The following PHACTR3 variants were observed in gnomAD, a reference collection of about 807,000 sequenced individuals.
PHACTR3 encodes the protein phosphatase and actin regulator 3, also known as protein phosphatase 1, regulatory subunit 123.
PHACTR3 carries 16 observed loss-of-function variants against 66.8 expected under a neutral mutation model. That is an observed-to-expected ratio of 0.24 (90% CI 0.16 to 0.36). PHACTR3 has a LOEUF of 0.36. Among genes scored for constraint, PHACTR3 ranks in the 10% least tolerant of loss-of-function variants. The probability of loss-of-function intolerance (pLI) is 1.00; values close to 1 mark genes in which losing one functional copy is unlikely to be tolerated. For missense variants in PHACTR3, 647 were observed against 719.9 expected, an observed-to-expected ratio of 0.90 and a Z score of 1.16; for synonymous variants, 323 against 292.1, an observed-to-expected ratio of 1.11 and a Z score of -1.08.
rs776036475 is a variant in PHACTR3, at chr20:59,755,331, C to G, written c.508C>G (p.Pro170Ala). 6.2e-7 allele frequency: 1 copy of G among 1,613,638 alleles called. No homozygotes were observed. Among genetic ancestry groups the G allele is most frequent in the Non-Finnish European group, 8.5e-7 (1 of 1,180,000 alleles). ...GACGGACCAGGTCTCCCTGGACAAG[C>G]CACTGTCCTCAGCTGCCCACTTGGA... ...TGTDQVSLDK[P>A]LSSAAHLDDA... The change falls in exon 4 of 13, where the codon CCA (proline) becomes GCA (alanine). Residue 170 changes from proline to alanine, a missense_variant. Pro to Ala is a conservative substitution (Grantham distance 27). Around this residue, in one of 2 missense-constraint regions of PHACTR3, gnomAD observed 577 missense variants for 571.1 expected, o/e 1.01. Transcript: ENST00000371015.
chr20:59,765,442 G>C (rs1208969396), intron 4 of PHACTR3, among the ~76,000 whole-genome samples: 1 of 152,246 alleles, frequency 6.6e-6, no homozygotes, highest in East Asian at 1.9e-4. Flanking sequence ...TCTGCAGCTG[G>C]AGTATGTGTT....
At chr20:59,641,736 GTA>G (rs2035109041) in intron 1 of PHACTR3, among the ~76,000 whole-genome samples, 2 of 152,178 alleles carry the variant, frequency 1.3e-5, no homozygotes, top group Non-Finnish European at 2.9e-5. Context: ...GATTGTGTGT[GTA>G]TGTACATTTG....
intron 8 of PHACTR3, among the ~76,000 whole-genome samples, chr20:59,812,460 C>T (rs571558711): frequency 1.4e-4 from 21 of 152,294 alleles, no homozygotes; most frequent in East Asian, 1.4e-3. Context: ...CAGGACACAG[C>T]GTGCAGCGAG....
chr20:59,739,244 C>T (rs911104256), intron 1 of PHACTR3, among the ~76,000 whole-genome samples: 1 of 152,072 alleles, frequency 6.6e-6, no homozygotes, highest in Non-Finnish European at 1.5e-5. Flanking sequence ...TTTGCAGAGC[C>T]CAGAATGTCA....
At chr20:59,785,035 GA>G (rs2040857913) in intron 7 of PHACTR3, among the ~76,000 whole-genome samples, 1 of 152,098 alleles carries the variant, frequency 6.6e-6, no homozygotes, top group Non-Finnish European at 1.5e-5. Flanking sequence ...GGGCTCCAGA[GA>G]AAAGACAGGG....
intron 1 of PHACTR3, among the ~76,000 whole-genome samples, chr20:59,687,912 C>T (rs1249349175): frequency 6.6e-6 from 1 of 152,124 alleles, no homozygotes; most frequent in Non-Finnish European, 1.5e-5. Context: ...TGTGAATTAT[C>T]TTTCAGTTGT....
intron 3 of PHACTR3, among the ~76,000 whole-genome samples, chr20:59,750,910 G>A (rs184590632): frequency 9.6e-4 from 146 of 152,326 alleles, no homozygotes; most frequent in African/African-American, 3.4e-3. Context: ...TCCCTGCACC[G>A]CAGTTTCCGT....
At chr20:59,815,282 A>G (rs1360595314) in intron 8 of PHACTR3, among the ~76,000 whole-genome samples, 1 of 152,202 alleles carries the variant, frequency 6.6e-6, no homozygotes, top group Non-Finnish European at 1.5e-5. Flanking sequence ...ATCACCAGAA[A>G]GAAGGTAAAT....
At chr20:59,646,711 G>A (rs903175280) in intron 1 of PHACTR3, among the ~76,000 whole-genome samples, 7 of 152,164 alleles carry the variant, frequency 4.6e-5, no homozygotes, top group African/African-American at 1.4e-4. Flanking sequence ...AACATGACTC[G>A]GAGCTGGAAT....
intron 5 of PHACTR3, among the ~76,000 whole-genome samples, chr20:59,772,321 A>G (rs1475562813): frequency 2.0e-5 from 3 of 152,210 alleles, no homozygotes; most frequent in African/African-American, 7.2e-5. Flanking sequence ...TTTCATGTAC[A>G]CAAGTGTTTA....
intron 1 of PHACTR3, among the ~76,000 whole-genome samples, chr20:59,649,184 C>T (rs1211246132): frequency 6.6e-6 from 1 of 151,990 alleles, no homozygotes; most frequent in East Asian, 1.9e-4. Context: ...TTATGGTAAG[C>T]AAATTGAAAA....
intron 1 of PHACTR3, among the ~76,000 whole-genome samples, chr20:59,618,608 G>A (rs2034119299): frequency 6.6e-6 from 1 of 152,238 alleles, no homozygotes; most frequent in Non-Finnish European, 1.5e-5. Flanking sequence ...GGAGAGGGAA[G>A]GGAAGGGTAT....
intron 1 of PHACTR3, among the ~76,000 whole-genome samples, chr20:59,649,922 G>A (rs1008326076): frequency 2.6e-5 from 4 of 152,110 alleles, no homozygotes; most frequent in African/African-American, 9.7e-5. Context: ...TTATAGATGT[G>A]CATCCATTTT....
intron 11 of PHACTR3, 100 bp downstream of exon 11, chr20:59,841,635 C>T (rs2059063418): frequency 1.6e-6 from 2 of 1,285,338 alleles, no homozygotes; most frequent in Non-Finnish European, 2.1e-6. Flanking sequence ...GAGCCCTCAA[C>T]TATTTAAGGG....
intron 1 of PHACTR3, among the ~76,000 whole-genome samples, chr20:59,595,738 A>G (rs1249779920): frequency 1.3e-5 from 2 of 152,104 alleles, no homozygotes; most frequent in Admixed American, 1.3e-4. Flanking sequence ...AAGTTCTGTC[A>G]ATTTTTACCT....
chr20:59,629,539 C>T (rs779882108), intron 1 of PHACTR3, among the ~76,000 whole-genome samples: 7 of 152,190 alleles, frequency 4.6e-5, no homozygotes, highest in African/African-American at 9.7e-5. Flanking sequence ...GGGCAGGACC[C>T]GTCCCAGGAC....
intron 1 of PHACTR3, among the ~76,000 whole-genome samples, chr20:59,723,434 G>A (rs555153960): frequency 6.6e-5 from 10 of 152,162 alleles, no homozygotes; most frequent in South Asian, 2.1e-4. Flanking sequence ...CCTGCATTGC[G>A]GCATTGCCAG....
At chr20:59,661,378 C>CGTTGCTAAT (rs2035799970) in intron 1 of PHACTR3, among the ~76,000 whole-genome samples, 1 of 152,064 alleles carries the variant, frequency 6.6e-6, no homozygotes, top group South Asian at 2.1e-4. Context: ...GGAGCATGCA[C>CGTTGCTAAT]GTTGCTAATG....
chr20:59,840,262 A>T, intron 9 of PHACTR3, 107 bp from the exon 10 acceptor site: 2 of 1,473,140 alleles, frequency 1.4e-6, no homozygotes, highest in Non-Finnish European at 1.8e-6. Context: ...AATTAACTTC[A>T]GCTCCCAGAA....
Sources: allele counts gnomAD v4.1 joint callset (sites outside exome capture counted in the v4.1 genomes callset), GRCh38; gene constraint gnomAD v4.1.1; regional missense constraint gnomAD v4.1.1; transcripts MANE v1.5; gene names NCBI Gene and HGNC (gene_info 2026-07-23, HGNC 2026-07-21).